DNAJC13: variants seen among roughly 807,000 people sequenced by gnomAD.
DNAJC13 encodes the protein DnaJ heat shock protein family (Hsp40) member C13, also known as dnaJ homolog subfamily C member 13.
DNAJC13 carries 75 observed loss-of-function variants against 290.5 expected under a neutral mutation model. That is an observed-to-expected ratio of 0.26 (90% confidence interval 0.21 to 0.31). The LOEUF is 0.31. Among genes scored for constraint, DNAJC13 ranks in the 10% least tolerant of loss-of-function variants. The pLI is 1.00. For missense variants in DNAJC13, 2,260 were observed against 2,674.5 expected, an observed-to-expected ratio of 0.85 and a Z score of 3.42; for synonymous variants, 862 against 892.0, an observed-to-expected ratio of 0.97 and a Z score of 0.60.
chr3:132,469,862 G>A (rs575593836), intron 20 of DNAJC13, among the ~76,000 whole-genome samples: 3 of 143,530 alleles, frequency 2.1e-5, no homozygotes, highest in Non-Finnish European at 3.0e-5. Flanking sequence ...AGACTTCCGT[G>A]TTTTAATCTA....
At chr3:132,473,283 C>A in intron 21 of DNAJC13, 56 bp downstream of exon 21, 4 of 1,174,830 alleles carry the variant, frequency 3.4e-6, no homozygotes, top group African/African-American at 3.1e-5. Context: ...CCATGAGAGG[C>A]ATCATGACAC....
rs1936673405 is a variant in DNAJC13 at position 132,538,682 on chromosome 3, A to G, written c.*400A>G. ...AAGTCACTTTTCCCCAGGAAAGAAT[A>G]TTTCCCTCTCCTGCATCAAGTCTGC... On this transcript the variant is annotated 3_prime_UTR_variant, in exon 56 of 56. Transcript: ENST00000260818. The G allele has an allele frequency of 6.2e-6, 1 of 160,090 alleles. No individual in the cohort carries two copies. The highest frequency in any genetic ancestry group is 6.4e-5 in the Admixed American group (1 of 15,708). 9.9% of individuals were successfully genotyped at this position (160,090 alleles called of 1,614,324 possible).
intron 17 of DNAJC13, among the ~76,000 whole-genome samples, chr3:132,464,684 G>A (rs1304253028): frequency 6.6e-6 from 1 of 152,030 alleles, no homozygotes; most frequent in Non-Finnish European, 1.5e-5. Context: ...TAGTCTTAGA[G>A]GATAAAGATA....
chr3:132,471,459 G>T lies in DNAJC13; in HGVS notation c.2209-1686G>T, dbSNP rs1444920431. ...TCCTCACTTCTCAGACGGGGCAGCTGCCAGGCGGAGGGGCTCCTCACTTCT... is the reference window on the plus strand; with the variant it reads ...TCCTCACTTCTCAGACGGGGCAGCTTCCAGGCGGAGGGGCTCCTCACTTCT... On this transcript the variant is annotated intron_variant, in intron 20 of 55. Coordinates refer to ENST00000260818, the MANE Select transcript of DNAJC13 (RefSeq NM_015268.4). Among the ~76,000 whole-genome samples, 4 of 140,726 alleles carry T rather than the reference G, an allele frequency of 2.8e-5. No homozygotes were observed. In the East Asian group the frequency reaches 9.0e-4, roughly 32 times the overall value. 92.3% of individuals were successfully genotyped at this position (140,726 alleles called of 152,430 possible). A position where few individuals can be genotyped will look rare whatever the true frequency, so the allele number is the denominator to read the frequency against.
At chr3:132,529,475 A>G (rs1481057210) in intron 54 of DNAJC13, among the ~76,000 whole-genome samples, 1 of 152,262 alleles carries the variant, frequency 6.6e-6, no homozygotes, top group Non-Finnish European at 1.5e-5. Context: ...TTCTATCAAT[A>G]TGATCATTTA....
At position 132,488,349 on chromosome 3, in the gene DNAJC13, T is replaced by C. The variant is rs199667429; in HGVS notation, c.3319T>C (p.Tyr1107His). ...TGTTGAGAAGGTTGCTATTTTGTTA[T>C]ACCATATCATGCAAGATAACCCACA... ...ILVEKVAILL[Y>H]HIMQDNPQLP... Residue 1107 changes from tyrosine to histidine, a missense_variant, in exon 30 of 56, where the codon TAC (tyrosine) becomes CAC (histidine). Around this residue, in one of 3 missense-constraint regions of DNAJC13, gnomAD observed 1,494 missense variants for 1,693.7 expected, o/e 0.88. Transcript: ENST00000260818. 3 of 1,613,636 alleles carry C rather than the reference T, an allele frequency of 1.9e-6. No homozygotes were observed. Among genetic ancestry groups the C allele is most frequent in the Non-Finnish European group, 2.5e-6 (3 of 1,179,758 alleles).
intron 48 of DNAJC13, among the ~76,000 whole-genome samples, chr3:132,517,223 A>C (rs537821858): frequency 6.6e-6 from 1 of 152,344 alleles, no homozygotes; most frequent in African/African-American, 2.4e-5. Context: ...TGCCACCCTC[A>C]GCAGTGAATT....
intron 55 of DNAJC13, among the ~76,000 whole-genome samples, chr3:132,533,137 C>A (rs1936474065): frequency 6.8e-6 from 1 of 146,082 alleles, no homozygotes; most frequent in South Asian, 2.2e-4. Context: ...CTCACTGCAA[C>A]CTCTGCCTCC....
At chr3:132,473,677 T>C (rs1188616072) in intron 21 of DNAJC13, among the ~76,000 whole-genome samples, 4 of 151,954 alleles carry the variant, frequency 2.6e-5, no homozygotes, top group Non-Finnish European at 5.9e-5. Context: ...CTGCACCCCC[T>C]TCCTGGACAC....
intron 26 of DNAJC13, among the ~76,000 whole-genome samples, chr3:132,481,463 C>T (rs1456503178): frequency 6.6e-6 from 1 of 152,098 alleles, no homozygotes; most frequent in Non-Finnish European, 1.5e-5. Flanking sequence ...CACCTGTAGT[C>T]CCAGCTACTT....
intron 55 of DNAJC13, among the ~76,000 whole-genome samples, chr3:132,531,466 T>C (rs891061499): frequency 2.6e-5 from 4 of 152,236 alleles, no homozygotes; most frequent in African/African-American, 9.6e-5. Context: ...TCTGTCAGAA[T>C]AACAGATTAA....
chr3:132,497,382 A>C (rs779941479), intron 36 of DNAJC13, among the ~76,000 whole-genome samples: 1 of 152,168 alleles, frequency 6.6e-6, no homozygotes, highest in Non-Finnish European at 1.5e-5. Flanking sequence ...GACTTACAGC[A>C]CAAAGTGGGA....
At chr3:132,459,958 T>C (rs1408279370) in intron 13 of DNAJC13, among the ~76,000 whole-genome samples, 2 of 152,204 alleles carry the variant, frequency 1.3e-5, no homozygotes. Flanking sequence ...AGTTATAAAA[T>C]TCTGGGTGGG....
intron 54 of DNAJC13, among the ~76,000 whole-genome samples, chr3:132,529,676 A>G (rs947333805): frequency 6.6e-6 from 1 of 151,460 alleles, no homozygotes; most frequent in African/African-American, 2.4e-5. Context: ...AGTCCCATCT[A>G]CTCGGGAGGC....
In DNAJC13 at chr3:132,470,913, G is replaced by A. The variant is rs1411498022; in HGVS notation, c.2209-2232G>A. On this transcript the variant is annotated intron_variant, in intron 20 of 55. Coordinates refer to ENST00000260818, the MANE Select transcript of DNAJC13 (RefSeq NM_015268.4). Reference sequence around the variant, plus strand: ...GGGCTGACCCCCCCACCTCCCTCCCGGACGGGGCGGCTGGCCGGGCAGAGG... The same window carrying A: ...GGGCTGACCCCCCCACCTCCCTCCCAGACGGGGCGGCTGGCCGGGCAGAGG... 9.3e-4 allele frequency among the ~76,000 whole-genome samples: 108 copies of A among 115,756 alleles called. No homozygotes were observed. In the East Asian group the frequency reaches 0.011, roughly 12 times the overall value. The allele number at this position is 115,756 out of a possible 152,430, so 75.9% of individuals were successfully genotyped here.
In DNAJC13 at chr3:132,466,420, C is replaced by CT. The variant is rs772007284; in HGVS notation, c.2064+32dup. 3 of 1,541,444 alleles carry CT rather than the reference C, an allele frequency of 1.9e-6. No homozygotes were observed. The African/African-American group carries it at 4.2e-5, about 21-fold the overall frequency. On this transcript the variant is annotated intron_variant, in intron 19 of 55. Transcript: ENST00000260818. Reference sequence around the variant, plus strand: ...GTAAATATGACTGTCCCAAGTGTGCCTTTTTTAGGAGTAAGGGTACTGTTA... The same window carrying CT: ...GTAAATATGACTGTCCCAAGTGTGCCTTTTTTTAGGAGTAAGGGTACTGTTA...
rs1163036575 is a variant in DNAJC13, at chr3:132,465,992, C to T, written c.1893-3C>T. The T allele has an allele frequency of 6.2e-7, 1 of 1,611,160 alleles. No individual in the cohort carries two copies. The highest frequency in any genetic ancestry group is 1.7e-5 in the Admixed American group (1 of 59,844). On this transcript the variant is annotated splice_polypyrimidine_tract_variant and splice_region_variant and intron_variant, in intron 17 of 55. Coordinates refer to ENST00000260818, the MANE Select transcript of DNAJC13 (RefSeq NM_015268.4). ...AACCTTTCTCAACGTCTGCTTTTTT[C>T]AGACAGCTAAGTAGACATTTAGTGG...
chr3:132,489,058 G>T, intron 31 of DNAJC13, 37 bp downstream of exon 31: 1 of 1,577,858 alleles, frequency 6.3e-7, no homozygotes, highest in Non-Finnish European at 8.7e-7. Flanking sequence ...TTAACCCTGG[G>T]TAAGCTGTTT....
chr3:132,465,747 C>T (rs565971471), intron 17 of DNAJC13, among the ~76,000 whole-genome samples: 85 of 150,998 alleles, frequency 5.6e-4, no homozygotes, highest in African/African-American at 1.1e-3. Context: ...TTTTCCTGTT[C>T]GGGTTTATTG....
Sources: gnomAD v4.1 joint callset for allele counts (sites outside exome capture counted in the v4.1 genomes callset) on GRCh38, gnomAD v4.1.1 for gene constraint, gnomAD v4.1.1 regional missense constraint, MANE v1.5 for transcripts, NCBI Gene and HGNC (gene_info 2026-07-23, HGNC 2026-07-21) for gene names.